PDHX: variants seen among roughly 807,000 people sequenced by gnomAD.
The protein encoded by PDHX is pyruvate dehydrogenase complex component X, also known as pyruvate dehydrogenase protein X component, mitochondrial.
A neutral mutation model predicts 55.3 loss-of-function variants in PDHX; 33 were observed. The ratio of observed to expected loss-of-function variants is 0.60; its 90% CI spans 0.45 to 0.80. The LOEUF is 0.80. Ranked by LOEUF, PDHX falls within the 30% of genes least tolerant of loss-of-function variation. PDHX has a pLI of 0.00. For synonymous variants in PDHX, 226 were observed against 219.4 expected (o/e 1.03, Z -0.27); for missense variants, 622 against 619.9 (o/e 1.00, Z -0.04).
At chr11:34,963,189 G>A (rs1046575124) in intron 5 of PDHX, among the ~76,000 whole-genome samples, 21 of 152,066 alleles carry the variant, frequency 1.4e-4, no homozygotes, top group African/African-American at 4.6e-4. Context: ...GCCTAATGTC[G>A]TCTTCTGCTA....
In PDHX at chr11:34,994,769, A is replaced by G; in HGVS notation, c.1248-145A>G. 4 of 793,356 alleles carry G rather than the reference A, an allele frequency of 5.0e-6. No individual in the cohort carries two copies. The South Asian group carries it at 6.3e-5, about 13-fold the overall frequency. The allele number at this position is 793,356 out of a possible 1,614,324, so 49.1% of individuals were successfully genotyped here. ...GTACACAATTAATTTATTTGTAAAT[A>G]CTAAATGTTTCCTTTTTTCATTACT... is the stretch of plus-strand genomic sequence containing the variant. On this transcript the variant is annotated intron_variant, in intron 10 of 10. Transcript: ENST00000227868.
chr11:34,922,577 TCC>T (rs1183532821), intron 1 of PDHX, among the ~76,000 whole-genome samples: 1 of 152,160 alleles, frequency 6.6e-6, no homozygotes, highest in African/African-American at 2.4e-5. Context: ...CGTGTGTACA[TCC>T]TAAATGAACA....
At chr11:34,993,783 C>A in intron 10 of PDHX, among the ~76,000 whole-genome samples, 1 of 152,100 alleles carries the variant, frequency 6.6e-6, no homozygotes, top group East Asian at 1.9e-4. Flanking sequence ...ACACACACCC[C>A]TTGCTGGTTT....
intron 4 of PDHX, among the ~76,000 whole-genome samples, chr11:34,958,802 G>A (rs1854959609): frequency 6.6e-6 from 1 of 152,234 alleles, no homozygotes; most frequent in East Asian, 1.9e-4. Context: ...TCAGAGACTC[G>A]CATGAATCAG....
At chr11:34,987,654 C>G (rs1564933585) in intron 9 of PDHX, among the ~76,000 whole-genome samples, 1 of 151,556 alleles carries the variant, frequency 6.6e-6, no homozygotes, top group Non-Finnish European at 1.5e-5. Flanking sequence ...TAGATAGGCT[C>G]TATAGAGATA....
At chr11:34,963,540 G>A (rs909917883) in intron 5 of PDHX, among the ~76,000 whole-genome samples, 4 of 152,080 alleles carry the variant, frequency 2.6e-5, no homozygotes, top group Non-Finnish European at 4.4e-5. Flanking sequence ...TCAGCCTCTC[G>A]AAGTGCTGGG....
rs1855842392 is a variant in PDHX, at chr11:34,995,537, A to G, written c.*365A>G. ...TGATACATGTAAAATTAAAAAAACT[A>G]TTAGAACTGTACCATAATTATGTTG... On this transcript the variant is annotated 3_prime_UTR_variant, in exon 11 of 11. Coordinates refer to ENST00000227868, the MANE Select transcript of PDHX (RefSeq NM_003477.3). The G allele has an allele frequency of 6.4e-6, 2 of 311,622 alleles. No individual in the cohort carries two copies. Among genetic ancestry groups the G allele is most frequent in the Admixed American group, 4.8e-5 (1 of 20,852 alleles). 19.3% of individuals were successfully genotyped at this position (311,622 alleles called of 1,614,324 possible). A position where few individuals can be genotyped will look rare whatever the true frequency, so the allele number is the denominator to read the frequency against.
At chr11:34,986,441 G>T (rs1855646794) in intron 9 of PDHX, among the ~76,000 whole-genome samples, 1 of 151,672 alleles carries the variant, frequency 6.6e-6, no homozygotes, top group African/African-American at 2.4e-5. Flanking sequence ...GAGAATATTT[G>T]TGTCTGTGTT....
chr11:34,978,652 G>A (rs1362244792), intron 8 of PDHX, among the ~76,000 whole-genome samples: 2 of 152,112 alleles, frequency 1.3e-5, no homozygotes, highest in Admixed American at 1.3e-4. Flanking sequence ...TAGGTATGTG[G>A]TAAAAGTGCA....
intron 1 of PDHX, among the ~76,000 whole-genome samples, chr11:34,921,454 A>G (rs981703435): frequency 1.7e-4 from 23 of 138,090 alleles, no homozygotes; most frequent in African/African-American, 6.2e-4. Context: ...AACTGACCCA[A>G]AGTAGACCAG....
chr11:34,969,991 T>C (rs545637748), intron 6 of PDHX, 148 bp from the exon 7 acceptor site: 2 of 726,154 alleles, frequency 2.8e-6, no homozygotes, highest in Non-Finnish European at 4.7e-6. Context: ...ATACTAAGAA[T>C]TTTAATAGTG....
chr11:34,930,080 A>C (rs760082756), intron 1 of PDHX, among the ~76,000 whole-genome samples: 11 of 152,216 alleles, frequency 7.2e-5, no homozygotes, highest in Non-Finnish European at 1.5e-4. Flanking sequence ...GATGGCAAGA[A>C]CACAGAGAGG....
intron 5 of PDHX, among the ~76,000 whole-genome samples, chr11:34,964,825 ATAACTAATATTAGCTAGCTATTAGCATAT>A (rs1295356052): frequency 1.1e-5 from 1 of 89,132 alleles, no homozygotes; most frequent in African/African-American, 3.1e-5. Flanking sequence ...AGCTATTAGC[ATAACTAATATTAGCTAGCTATTAGCATAT>A]TATTAGCATA....
rs760489750 is a variant in PDHX at position 34,960,369 on chromosome 11, A to C, written c.543-51A>C. On this transcript the variant is annotated intron_variant, in intron 4 of 10. Coordinates refer to ENST00000227868, the MANE Select transcript of PDHX (RefSeq NM_003477.3). ...ACTGTTGACATTTAGATCTATTTGA[A>C]TCAAATGTAAGTGTTAATTGGTTCT... The C allele has an allele frequency of 8.5e-6, 10 of 1,175,126 alleles. No individual in the cohort carries two copies. The South Asian group carries it at 1.1e-4, about 13-fold the overall frequency. The allele number at this position is 1,175,126 out of a possible 1,614,324, so 72.8% of individuals were successfully genotyped here.
chr11:34,986,135 T>A (rs1436517602), intron 9 of PDHX, among the ~76,000 whole-genome samples: 2 of 152,084 alleles, frequency 1.3e-5, no homozygotes, highest in Non-Finnish European at 2.9e-5. Context: ...CGAAACCCCA[T>A]TTCTACTAAA....
At chr11:34,983,582 A>G (rs1485759943) in intron 8 of PDHX, among the ~76,000 whole-genome samples, 10 of 151,268 alleles carry the variant, frequency 6.6e-5, no homozygotes, top group African/African-American at 4.9e-5. Context: ...AAAGTCTCAG[A>G]ATACACAATC....
intron 1 of PDHX, among the ~76,000 whole-genome samples, chr11:34,929,817 A>C (rs1319195799): frequency 6.6e-5 from 10 of 152,120 alleles, no homozygotes; most frequent in Admixed American, 6.5e-4. Flanking sequence ...GGGCATTAGG[A>C]GTGATAATTC....
At chr11:34,942,200 C>A (rs543384193) in intron 2 of PDHX, among the ~76,000 whole-genome samples, 2 of 152,096 alleles carry the variant, frequency 1.3e-5, no homozygotes, top group South Asian at 4.1e-4. Flanking sequence ...GTAGAAATGA[C>A]AGAATATGGA....
intron 9 of PDHX, among the ~76,000 whole-genome samples, chr11:34,990,502 T>C (rs1405960802): frequency 6.6e-6 from 1 of 152,200 alleles, no homozygotes; most frequent in Admixed American, 6.5e-5. Context: ...ATCTACTTAT[T>C]AAAGTGAGTT....
Sources: gnomAD v4.1 joint callset for allele counts (sites outside exome capture counted in the v4.1 genomes callset) on GRCh38, gnomAD v4.1.1 for gene constraint, MANE v1.5 for transcripts, NCBI Gene and HGNC (gene_info 2026-07-23, HGNC 2026-07-21) for gene names.